SGIP1: variants seen among roughly 807,000 people sequenced by gnomAD.
The protein encoded by SGIP1 is SH3-containing GRB2-like protein 3-interacting protein 1.
Under a neutral mutation model 107.5 loss-of-function variants are expected in SGIP1, and 38 were observed. That is an observed-to-expected ratio of 0.35 (90% CI 0.27 to 0.46). The LOEUF is 0.46. Ranked by LOEUF, SGIP1 falls within the 20% of genes least tolerant of loss-of-function variation. The pLI is 1.00. For missense variants in SGIP1, 929 were observed against 1,019.5 expected (o/e 0.91, Z 1.21); for synonymous variants, 365 against 366.1 (o/e 1.00, Z 0.03).
intron 1 of SGIP1, among the ~76,000 whole-genome samples, chr1:66,568,925 G>A (rs2060020723): frequency 6.6e-6 from 1 of 151,834 alleles, no homozygotes; most frequent in Non-Finnish European, 1.5e-5. Context: ...ACCCCATATA[G>A]CACAGAGCAT....
chr1:66,730,772 T>C (rs2093971864), intron 20 of SGIP1, among the ~76,000 whole-genome samples: 1 of 152,166 alleles, frequency 6.6e-6, no homozygotes, highest in African/African-American at 2.4e-5. Context: ...TCAGAATCCT[T>C]TTAGCTCCAG....
rs116436778 is a variant in SGIP1 at position 66,602,546 on chromosome 1, C to T, written c.11-23301C>T. Among the ~76,000 whole-genome samples, 516 of 151,988 alleles carry T rather than the reference C, an allele frequency of 3.4e-3. 2 individuals carry two copies. Among genetic ancestry groups the T allele is most frequent in the African/African-American group, 0.012 (492 of 41,400 alleles). ...AACAAATGAAATACTGGATGTATGA[C>T]GAGTTAATGGTTGCAGCACACCAAC... On this transcript the variant is annotated intron_variant, in intron 1 of 24. Transcript: ENST00000371037.
chr1:66,727,716 C>T (rs2093821149), intron 19 of SGIP1, among the ~76,000 whole-genome samples: 1 of 152,126 alleles, frequency 6.6e-6, no homozygotes, highest in South Asian at 2.1e-4. Flanking sequence ...ACTATTAGTG[C>T]ACACAACTAC....
At chr1:66,638,602 A>G (rs2076222974) in intron 4 of SGIP1, among the ~76,000 whole-genome samples, 1 of 152,116 alleles carries the variant, frequency 6.6e-6, no homozygotes, top group Non-Finnish European at 1.5e-5. Context: ...GGATGAACAC[A>G]TTATCTATTT....
intron 1 of SGIP1, among the ~76,000 whole-genome samples, chr1:66,543,178 G>C (rs952347704): frequency 6.6e-6 from 1 of 152,128 alleles, no homozygotes; most frequent in Non-Finnish European, 1.5e-5. Flanking sequence ...GAGGAAGAGC[G>C]TCATGATGTG....
At chr1:66,609,226 C>T (rs1016858172) in intron 1 of SGIP1, among the ~76,000 whole-genome samples, 12 of 152,040 alleles carry the variant, frequency 7.9e-5, no homozygotes, top group Admixed American at 4.6e-4. Flanking sequence ...TAATATGAGG[C>T]AAAATTTGAG....
rs1018656785 is a variant in SGIP1 at position 66,742,098 on chromosome 1, T to C, written c.2464+662T>C. Among the ~76,000 whole-genome samples the C allele has an allele frequency of 1.8e-4, 27 of 152,248 alleles. 1 individual carries two copies. The East Asian group carries it at 5.0e-3, about 28-fold the overall frequency. On this transcript the variant is annotated intron_variant, in intron 24 of 24. Coordinates refer to ENST00000371037, the MANE Select transcript of SGIP1 (RefSeq NM_032291.4). ...TTTAATTTATCTCCCACCAGAAAAC[T>C]TTTTGTTCTCTGACAGGACTTCACA...
chr1:66,637,451 GTGTT>G (rs767519093), intron 4 of SGIP1, among the ~76,000 whole-genome samples: 14,349 of 47,896 alleles, frequency 0.3, 786 homozygotes, highest in East Asian at 0.46. Flanking sequence ...GTGTGTGTGT[GTGTT>G]TGTGTGTGTG....
Position 66,677,221 on chromosome 1 carries a change from A to G in SGIP1, c.739+125A>G, listed in dbSNP as rs1287608114. The G allele has an allele frequency of 5.7e-6, 4 of 702,828 alleles. No homozygotes were observed. The South Asian group carries it at 8.6e-5, about 15-fold the overall frequency. The allele number at this position is 702,828 out of a possible 1,614,324, so 43.5% of individuals were successfully genotyped here. ...ACATTAGAACTGAATAATATTAAGA[A>G]GAGATGTTATTCTAACAGGCTTTCA... On this transcript the variant is annotated intron_variant, in intron 13 of 24. Coordinates refer to ENST00000371037, the MANE Select transcript of SGIP1 (RefSeq NM_032291.4).
chr1:66,720,539 C>T (rs1016050228), intron 19 of SGIP1, among the ~76,000 whole-genome samples: 1 of 152,106 alleles, frequency 6.6e-6, no homozygotes, highest in Non-Finnish European at 1.5e-5. Flanking sequence ...CCACCCCTGG[C>T]AACATAGGGA....
intron 1 of SGIP1, among the ~76,000 whole-genome samples, chr1:66,622,411 T>C (rs1424299381): frequency 6.6e-6 from 1 of 152,250 alleles, no homozygotes; most frequent in Admixed American, 6.5e-5. Context: ...TTCTACTCTG[T>C]ATTTTTGACA....
intron 18 of SGIP1, among the ~76,000 whole-genome samples, chr1:66,711,011 A>T (rs1460594082): frequency 6.6e-6 from 1 of 152,144 alleles, no homozygotes; most frequent in Non-Finnish European, 1.5e-5. Flanking sequence ...TATTAACATA[A>T]TTTTATCAGA....
intron 2 of SGIP1, among the ~76,000 whole-genome samples, chr1:66,626,500 A>C (rs1350836990): frequency 6.6e-6 from 1 of 152,188 alleles, no homozygotes; most frequent in Non-Finnish European, 1.5e-5. Flanking sequence ...TATCCAAGAG[A>C]ATTAATTGCC....
chr1:66,689,555 G>T (rs561809529), intron 16 of SGIP1, among the ~76,000 whole-genome samples: 40 of 152,324 alleles, frequency 2.6e-4, no homozygotes, highest in Non-Finnish European at 4.7e-4. Flanking sequence ...CATAGAAAGA[G>T]AGGTGTTTCA....
In SGIP1 at chr1:66,633,087, A is replaced by G. The variant is rs1251581226; in HGVS notation, c.92A>G (p.Asp31Gly). The change falls in exon 3 of 25, where the codon GAT (aspartate) becomes GGT (glycine). Residue 31 changes from aspartate (D) to glycine (G), a missense_variant. By Grantham distance (94) the Asp-to-Gly change is moderately conservative. Around this residue, in one of 2 missense-constraint regions of SGIP1, gnomAD observed 588 missense variants for 588.6 expected, o/e 1.00. Coordinates refer to ENST00000371037, the MANE Select transcript of SGIP1 (RefSeq NM_032291.4). ...TGTTACAGAGGTTCACCAGATAGAG[A>G]TGGAATTGTAAGTATTTAAATAACC... ...DTDSTGSPDR[D>G]GIQPSPHEPP... 1.8e-5 allele frequency: 27 copies of G among 1,534,102 alleles called. No homozygotes were observed. Among genetic ancestry groups the G allele is most frequent in the Non-Finnish European group, 2.2e-5 (24 of 1,108,534 alleles).
At chr1:66,671,098 A>C in intron 10 of SGIP1, 79 bp downstream of exon 10, 1 of 659,818 alleles carries the variant, frequency 1.5e-6, no homozygotes, top group Non-Finnish European at 2.5e-6. Flanking sequence ...GTATATGTAC[A>C]TATGAATTAT....
At chr1:66,590,333 A>G (rs1337705793) in intron 1 of SGIP1, 4 of 152,236 alleles carry the variant, frequency 2.6e-5, no homozygotes, top group African/African-American at 7.2e-5. Flanking sequence ...CTGTTTGATT[A>G]AGGAAGTCCT....
Position 66,747,375 on chromosome 1 carries a change from A to T in SGIP1, c.*4280A>T, listed in dbSNP as rs566932456. The T allele has an allele frequency of 7.2e-5, 11 of 152,022 alleles. No individual in the cohort carries two copies. The highest frequency in any genetic ancestry group is 2.7e-4 in the African/African-American group (11 of 41,488). 9.4% of individuals were successfully genotyped at this position (152,022 alleles called of 1,614,324 possible). On this transcript the variant is annotated 3_prime_UTR_variant, in exon 25 of 25. Coordinates refer to ENST00000371037, the MANE Select transcript of SGIP1 (RefSeq NM_032291.4). ...TCATTCAGTCCACTTAATTTCCTCC[A>T]ATCTTAAAAAATTTTTTTCCCTAGG...
At chr1:66,682,938 A>G (rs1486555308) in intron 15 of SGIP1, among the ~76,000 whole-genome samples, 1 of 152,178 alleles carries the variant, frequency 6.6e-6, no homozygotes, top group Non-Finnish European at 1.5e-5. Flanking sequence ...AGCAAAAGAA[A>G]AAAAATGGGA....
Sources: allele counts gnomAD v4.1 joint callset (sites outside exome capture counted in the v4.1 genomes callset), GRCh38; gene constraint gnomAD v4.1.1; regional missense constraint gnomAD v4.1.1; transcripts MANE v1.5; gene names NCBI Gene and HGNC (gene_info 2026-07-23, HGNC 2026-07-21).